The following CCDC141 variants were observed in gnomAD, a reference collection of about 807,000 sequenced individuals.
The protein encoded by CCDC141 is coiled-coil domain-containing protein 141.
Under a neutral mutation model 181.0 loss-of-function variants are expected in CCDC141, and 168 were observed. That is an observed-to-expected ratio of 0.93 (90% CI 0.82 to 1.05). CCDC141 has a LOEUF of 1.05. Among genes scored for constraint, CCDC141 ranks in the 50% least tolerant of loss-of-function variants. CCDC141 has a pLI of 0.00. For missense variants in CCDC141, 1,902 were observed against 1,788.5 expected (o/e 1.06, Z -1.14); for synonymous variants, 666 against 642.3 (o/e 1.04, Z -0.56).
intron 2 of CCDC141, among the ~76,000 whole-genome samples, chr2:178,997,412 T>C (rs1692337805): frequency 6.6e-6 from 1 of 152,056 alleles, no homozygotes; most frequent in Non-Finnish European, 1.5e-5. Flanking sequence ...TATGTATCAG[T>C]TAGTCAGCCT....
intron 8 of CCDC141, among the ~76,000 whole-genome samples, chr2:178,892,593 C>T (rs1315661882): frequency 6.6e-6 from 1 of 152,166 alleles, no homozygotes; most frequent in Admixed American, 6.6e-5. Flanking sequence ...TACGATGATA[C>T]CGGACTTTCC....
intron 2 of CCDC141, among the ~76,000 whole-genome samples, chr2:179,019,788 A>T (rs1300984848): frequency 6.6e-6 from 1 of 152,018 alleles, no homozygotes; most frequent in African/African-American, 2.4e-5. Context: ...TTTTATTGAG[A>T]CAGTATCTCA....
At chr2:178,958,169 T>C (rs992875026) in intron 5 of CCDC141, among the ~76,000 whole-genome samples, 2 of 152,188 alleles carry the variant, frequency 1.3e-5, no homozygotes, top group Non-Finnish European at 2.9e-5. Flanking sequence ...CGGAGGATTA[T>C]TAGGGCAGTG....
At position 178,918,744 on chromosome 2, in the gene CCDC141, T is replaced by C. The variant is rs1321878883; in HGVS notation, c.1061A>G (p.Lys354Arg). ...LMVERNTWLK[K>R]ANEFFNSANK... Reference sequence around the variant, plus strand: ...AGCACTGTTAAAAAATTCATTCGCCTTCTTTAACCAGGTATTCCTTTCCAC... The same window carrying C: ...AGCACTGTTAAAAAATTCATTCGCCCTCTTTAACCAGGTATTCCTTTCCAC... The change falls in exon 7 of 24, where the codon AAG (lysine) becomes AGG (arginine). Residue 354 changes from lysine (K) to arginine (R), a missense_variant. Transcript: ENST00000443758. The C allele has an allele frequency of 6.4e-7, 1 of 1,550,550 alleles. No homozygotes were observed. Among genetic ancestry groups the C allele is most frequent in the Non-Finnish European group, 8.7e-7 (1 of 1,146,960 alleles).
chr2:179,043,578 A>G (rs1305187106), intron 2 of CCDC141, among the ~76,000 whole-genome samples: 1 of 152,226 alleles, frequency 6.6e-6, no homozygotes, highest in Admixed American at 6.5e-5. Context: ...CAAAAACCAC[A>G]TGATTATCTT....
chr2:178,894,485 A>T (rs1419674044), intron 8 of CCDC141, among the ~76,000 whole-genome samples: 1 of 152,204 alleles, frequency 6.6e-6, no homozygotes, highest in African/African-American at 2.4e-5. Flanking sequence ...ATGACTTTAA[A>T]GTAAATGCCT....
intron 3 of CCDC141, among the ~76,000 whole-genome samples, chr2:178,977,925 G>T (rs982088669): frequency 5.3e-5 from 8 of 152,120 alleles, no homozygotes; most frequent in African/African-American, 1.9e-4. Flanking sequence ...GACCTTCTTA[G>T]GTCTAGGAGG....
chr2:178,882,546 A>G (rs920498598), intron 11 of CCDC141, among the ~76,000 whole-genome samples: 20 of 152,260 alleles, frequency 1.3e-4, no homozygotes, highest in African/African-American at 4.6e-4. Flanking sequence ...TATGTCAACA[A>G]GTTTGGAAGT....
In CCDC141 at chr2:179,006,451, T is replaced by C. The variant is rs539803189; in HGVS notation, c.226-27776A>G. 5.3e-5 allele frequency among the ~76,000 whole-genome samples: 8 copies of C among 152,300 alleles called. No homozygotes were observed. The South Asian group carries it at 1.7e-3, about 32-fold the overall frequency. ...TCAATGATCACTCTGCAAGATATTG[T>C]AGGAAATATCTGCACCCATCTGAGA... On this transcript the variant is annotated intron_variant, in intron 2 of 23. Coordinates refer to ENST00000443758, the MANE Select transcript of CCDC141 (RefSeq NM_173648.4).
At chr2:179,019,993 C>T (rs2042648909) in intron 2 of CCDC141, among the ~76,000 whole-genome samples, 1 of 152,064 alleles carries the variant, frequency 6.6e-6, no homozygotes, top group Admixed American at 6.6e-5. Flanking sequence ...TGAGCTCAAG[C>T]AATCTGACCA....
chr2:179,026,215 G>A (rs1010691148), intron 2 of CCDC141, among the ~76,000 whole-genome samples: 37 of 152,206 alleles, frequency 2.4e-4, no homozygotes, highest in Admixed American at 2.6e-4. Context: ...GGTCTTCATT[G>A]CAGCCCCTTC....
the CCDC141 span, among the ~76,000 whole-genome samples, chr2:178,820,290 C>G: frequency 6.6e-6 from 1 of 152,066 alleles, no homozygotes; most frequent in Non-Finnish European, 1.5e-5. Context: ...TTTGGCCACA[C>G]CGGTGGAGAG....
downstream of CCDC141, among the ~76,000 whole-genome samples, chr2:178,824,984 G>A (rs973276632): frequency 1.3e-5 from 2 of 152,050 alleles, no homozygotes; most frequent in African/African-American, 4.8e-5. Flanking sequence ...AAAGTACAAT[G>A]CCATAATAAT....
At chr2:178,953,555 G>A (rs1370551221) in intron 5 of CCDC141, among the ~76,000 whole-genome samples, 5 of 152,092 alleles carry the variant, frequency 3.3e-5, no homozygotes, top group African/African-American at 4.8e-5. Flanking sequence ...GAATGCAGCC[G>A]AAGAGGCTGA....
intron 16 of CCDC141, among the ~76,000 whole-genome samples, chr2:178,866,223 A>G (rs1685845121): frequency 6.6e-6 from 1 of 152,218 alleles, no homozygotes; most frequent in African/African-American, 2.4e-5. Flanking sequence ...TAAAATATGC[A>G]TTAGAAACAT....
chr2:178,910,176 G>A (rs1028267363), intron 7 of CCDC141, among the ~76,000 whole-genome samples: 4 of 152,170 alleles, frequency 2.6e-5, no homozygotes, highest in African/African-American at 9.7e-5. Flanking sequence ...TCAGGACATG[G>A]CACATTTCAT....
intron 18 of CCDC141, among the ~76,000 whole-genome samples, chr2:178,855,786 T>G (rs1056087366): frequency 6.6e-6 from 1 of 152,238 alleles, no homozygotes; most frequent in Non-Finnish European, 1.5e-5. Flanking sequence ...TAATATGATC[T>G]TTTTTAAAGA....
intron 2 of CCDC141, among the ~76,000 whole-genome samples, chr2:179,001,140 A>G (rs2041958535): frequency 1.3e-5 from 2 of 152,220 alleles, no homozygotes; most frequent in Non-Finnish European, 2.9e-5. Flanking sequence ...AAACACTGCC[A>G]TTCCTTTAGC....
intron 17 of CCDC141, among the ~76,000 whole-genome samples, chr2:178,862,073 C>G (rs1289356610): frequency 2.0e-5 from 3 of 152,106 alleles, no homozygotes; most frequent in African/African-American, 7.2e-5. Context: ...AACACTATTC[C>G]TCTATTCTAA....
Sources: allele counts gnomAD v4.1 joint callset (sites outside exome capture counted in the v4.1 genomes callset), GRCh38; gene constraint gnomAD v4.1.1; transcripts MANE v1.5; gene names NCBI Gene and HGNC (gene_info 2026-07-23, HGNC 2026-07-21).